RUVBL1: variants seen among roughly 807,000 people sequenced by gnomAD.
RUVBL1 encodes the protein RuvB like AAA ATPase 1.
A neutral mutation model predicts 52.4 loss-of-function variants in RUVBL1; 4 were observed. The observed-to-expected ratio is 0.08, with a 90% CI of 0.04 to 0.17. RUVBL1 has a LOEUF of 0.17. Among genes scored for constraint, RUVBL1 ranks in the 10% least tolerant of loss-of-function variants. RUVBL1 has a pLI of 1.00. For missense variants in RUVBL1, 298 were observed against 572.8 expected (o/e 0.52, Z 4.90); for synonymous variants, 217 against 214.4 (o/e 1.01, Z -0.10).
intron 1 of RUVBL1, among the ~76,000 whole-genome samples, chr3:128,138,914 A>T (rs2107733247): frequency 6.6e-6 from 1 of 152,270 alleles, no homozygotes; most frequent in Admixed American, 6.5e-5. Flanking sequence ...TACATTTACA[A>T]TGAACTCATT....
At chr3:128,069,667 G>A (rs201402764) in intron 9 of RUVBL1, 43 of 1,613,542 alleles carry the variant, frequency 2.7e-5, no homozygotes, top group East Asian at 1.1e-4. Context: ...TTCTGAGCCC[G>A]TCTCCCGGAC....
chr3:128,071,657 CAAAT>C (rs1264010064), intron 9 of RUVBL1: 4 of 152,688 alleles, frequency 2.6e-5, no homozygotes, highest in Non-Finnish European at 4.4e-5. Flanking sequence ...GAATAAGTGA[CAAAT>C]AAAGCCAGTT....
chr3:128,065,307 A>G, intron 9 of RUVBL1: 1 of 594,248 alleles, frequency 1.7e-6, no homozygotes, highest in Non-Finnish European at 3.0e-6. Context: ...GGTAAGATAC[A>G]TTTTTAAGTT....
upstream of RUVBL1, among the ~76,000 whole-genome samples, chr3:128,124,373 C>T (rs1362995873): frequency 1.3e-5 from 2 of 151,674 alleles, no homozygotes; most frequent in Non-Finnish European, 2.9e-5. Context: ...TTTCAAAATT[C>T]CACAGCCCTG....
intron 9 of RUVBL1, among the ~76,000 whole-genome samples, chr3:128,085,617 C>T (rs1000014762): frequency 1.3e-5 from 2 of 152,240 alleles, no homozygotes; most frequent in African/African-American, 4.8e-5. Flanking sequence ...ATAACTGCTT[C>T]AGTAATTTGC....
intron 1 of RUVBL1, among the ~76,000 whole-genome samples, chr3:128,136,354 AG>A (rs1943947040): frequency 6.6e-6 from 1 of 152,156 alleles, no homozygotes; most frequent in African/African-American, 2.4e-5. Context: ...AAGACCTGCC[AG>A]GTGTGGTGGC....
At chr3:128,095,659 G>A (rs972354198) in intron 8 of RUVBL1, among the ~76,000 whole-genome samples, 1 of 152,218 alleles carries the variant, frequency 6.6e-6, no homozygotes, top group Non-Finnish European at 1.5e-5. Flanking sequence ...GGGAAGGGCT[G>A]TTGCTATACT....
At chr3:128,106,360 CTA>C (rs1943235611) in intron 3 of RUVBL1, among the ~76,000 whole-genome samples, 1 of 152,188 alleles carries the variant, frequency 6.6e-6, no homozygotes. Context: ...AACGTGATCT[CTA>C]TGTTCATTAC....
intron 8 of RUVBL1, 142 bp from the exon 9 acceptor site, chr3:128,087,950 A>C: frequency 1.7e-6 from 1 of 593,096 alleles, no homozygotes; most frequent in Non-Finnish European, 3.0e-6. Context: ...AAACAGACTA[A>C]CCTCCAGTGG....
intron 1 of RUVBL1, among the ~76,000 whole-genome samples, chr3:128,147,617 G>C (rs764801269): frequency 2.0e-5 from 3 of 152,090 alleles, no homozygotes; most frequent in Non-Finnish European, 2.9e-5. Context: ...AAATACAACT[G>C]ATGATGCTGA....
intron 3 of RUVBL1, among the ~76,000 whole-genome samples, chr3:128,107,480 C>T (rs1943272907): frequency 1.3e-5 from 2 of 152,256 alleles, no homozygotes; most frequent in Admixed American, 1.3e-4. Context: ...CTAAGAAACA[C>T]TACCTATAGT....
chr3:128,088,577 T>G (rs1942727867), intron 8 of RUVBL1, among the ~76,000 whole-genome samples: 1 of 150,760 alleles, frequency 6.6e-6, no homozygotes, highest in East Asian at 1.9e-4. Context: ...GTTTTTTTTG[T>G]TTTTTTTCAT....
intron 8 of RUVBL1, among the ~76,000 whole-genome samples, chr3:128,092,158 A>G (rs544853500): frequency 6.6e-6 from 1 of 152,354 alleles, no homozygotes; most frequent in Non-Finnish European, 1.5e-5. Flanking sequence ...CATGCAAAAT[A>G]ATGAAGTTGG....
intron 9 of RUVBL1, chr3:128,083,947 A>G (rs1247816214): frequency 6.6e-6 from 1 of 152,314 alleles, no homozygotes; most frequent in Admixed American, 6.5e-5. Flanking sequence ...GTGTGGTGGC[A>G]CATGCCTGTA....
intron 1 of RUVBL1, among the ~76,000 whole-genome samples, chr3:128,143,724 T>G (rs2107736074): frequency 6.6e-6 from 1 of 152,200 alleles, no homozygotes; most frequent in East Asian, 1.9e-4. Flanking sequence ...GGTTGTTAGG[T>G]TCACTAACAA....
downstream of RUVBL1, among the ~76,000 whole-genome samples, chr3:128,079,963 C>T (rs1942425397): frequency 6.6e-6 from 1 of 152,216 alleles, no homozygotes; most frequent in Non-Finnish European, 1.5e-5. Context: ...CTGGGAACAG[C>T]GTCCGGGTAC....
intron 8 of RUVBL1, among the ~76,000 whole-genome samples, chr3:128,096,577 A>G (rs1202551278): frequency 1.3e-5 from 2 of 152,330 alleles, no homozygotes; most frequent in Admixed American, 6.5e-5. Context: ...CTGTAATCCC[A>G]GCACTTTGGG....
upstream of RUVBL1, among the ~76,000 whole-genome samples, chr3:128,126,997 G>T (rs1245285348): frequency 6.6e-6 from 1 of 152,178 alleles, no homozygotes; most frequent in Admixed American, 6.5e-5. Flanking sequence ...ACTGTAATTG[G>T]CTCAGAAATG....
intron 9 of RUVBL1, chr3:128,065,325 C>T (rs1180799163): frequency 1.7e-6 from 1 of 588,204 alleles, no homozygotes; most frequent in African/African-American, 1.9e-5. Context: ...GTTCTTAGTT[C>T]AAGAGAAGCA....
Sources: gnomAD v4.1 joint callset for allele counts (sites outside exome capture counted in the v4.1 genomes callset) on GRCh38, gnomAD v4.1.1 for gene constraint, MANE v1.5 for transcripts, NCBI Gene and HGNC (gene_info 2026-07-23, HGNC 2026-07-21) for gene names.